EXOC3: variants seen among roughly 807,000 people sequenced by gnomAD.
EXOC3 encodes the protein SEC6-like 1.
EXOC3 carries 21 observed loss-of-function variants against 73.7 expected under a neutral mutation model. The observed-to-expected ratio is 0.29, with a 90% CI of 0.20 to 0.41. The LOEUF is 0.41. Ranked by LOEUF, EXOC3 falls within the 10% of genes least tolerant of loss-of-function variation. EXOC3 has a pLI of 1.00. For synonymous variants in EXOC3, 410 were observed against 389.1 expected (o/e 1.05, Z -0.63); for missense variants, 842 against 985.1 (o/e 0.85, Z 1.95).
At chr5:457,817 A>G (rs1436039162) in intron 5 of EXOC3, 83 bp from the exon 6 acceptor site, 2 of 1,434,894 alleles carry the variant, frequency 1.4e-6, no homozygotes, top group Non-Finnish European at 1.9e-6. Context: ...GAGCTTGTGC[A>G]TGCAACTGAC....
In EXOC3 at chr5:467,056, C is replaced by A; in HGVS notation, c.*158C>A. The A allele has an allele frequency of 1.4e-6, 1 of 736,026 alleles. No individual in the cohort carries two copies. The highest frequency in any genetic ancestry group is 2.2e-6 in the Non-Finnish European group (1 of 458,404). The allele number at this position is 736,026 out of a possible 1,614,324, so 45.6% of individuals were successfully genotyped here. A position where few individuals can be genotyped will look rare whatever the true frequency, so the allele number is the denominator to read the frequency against. ...ATGCACCGGGTGTGCGTCGAGTGAG[C>A]GTCCCGAGGCCACGTGCGGAGGCCC... On this transcript the variant is annotated 3_prime_UTR_variant, in exon 13 of 13. Coordinates refer to ENST00000512944, the MANE Select transcript of EXOC3 (RefSeq NM_007277.5).
chr5:451,809 G>A (rs1453616069), intron 3 of EXOC3, among the ~76,000 whole-genome samples: 1 of 152,194 alleles, frequency 6.6e-6, no homozygotes, highest in African/African-American at 2.4e-5. Context: ...ACTTTTGAAT[G>A]ACCATTTTGC....
Position 461,845 on chromosome 5 carries a change from A to C in EXOC3, c.1392-115A>C. The C allele has an allele frequency of 2.2e-5, 15 of 679,782 alleles. No homozygotes were observed. The Middle Eastern group carries it at 1.2e-3, about 56-fold the overall frequency. The allele number at this position is 679,782 out of a possible 1,614,324, so 42.1% of individuals were successfully genotyped here. ...AAGATTGTTTTATTTTTAGAGGCTC[A>C]TCCGGTCAGATGTTAGTGATGTGAA... On this transcript the variant is annotated intron_variant, in intron 7 of 12. Transcript: ENST00000512944.
At chr5:457,059 A>C in intron 5 of EXOC3, 53 bp downstream of exon 5, 1 of 1,306,172 alleles carries the variant, frequency 7.7e-7, no homozygotes, top group Non-Finnish European at 1.1e-6. Context: ...TATATGAGTA[A>C]CTAGGGCTTG....
intron 1 of EXOC3, chr5:444,793 CG>C (rs1737456812): frequency 1.1e-5 from 1 of 87,866 alleles, no homozygotes; most frequent in African/African-American, 2.8e-5. Flanking sequence ...GTGGGATTTA[CG>C]GGAAGTTGTC....
intron 10 of EXOC3, chr5:464,835 C>G: frequency 1.9e-6 from 1 of 529,312 alleles, no homozygotes; most frequent in South Asian, 2.3e-5. Context: ...ACGGGCCTGT[C>G]TGTGGACCGA....
intron 3 of EXOC3, among the ~76,000 whole-genome samples, chr5:449,405 T>C (rs1737594355): frequency 6.6e-6 from 1 of 152,194 alleles, no homozygotes; most frequent in Non-Finnish European, 1.5e-5. Context: ...TCAGAACTCT[T>C]TTCATCTTGC....
rs1449185728 is a variant in EXOC3, at chr5:453,858, T to A, written c.853T>A (p.Tyr285Asn). 6.2e-7 allele frequency: 1 copy of A among 1,613,918 alleles called. No homozygotes were observed. ...CCGCCACCTGGAAATTATAAGGAAGTACGTCCTGGATGACCTCATTGTCGC... is the reference window on the plus strand; with the variant it reads ...CCGCCACCTGGAAATTATAAGGAAGAACGTCCTGGATGACCTCATTGTCGC... ...LVRHLEIIRK[Y>N]VLDDLIVAKN... The change falls in exon 4 of 13, where the codon TAC becomes AAC. Residue 285 changes from tyrosine to asparagine, a missense_variant. Physicochemically the swap from Tyr to Asn is moderately radical, Grantham distance 143. Transcript: ENST00000512944.
At chr5:461,457 AC>A (rs1737981246) in intron 7 of EXOC3, among the ~76,000 whole-genome samples, 1 of 152,210 alleles carries the variant, frequency 6.6e-6, no homozygotes, top group African/African-American at 2.4e-5. Context: ...TACTAAAAAT[AC>A]AAAAATTAGC....
intron 12 of EXOC3, chr5:466,146 C>T (rs189367984): frequency 1.5e-4 from 61 of 400,940 alleles, no homozygotes; most frequent in Non-Finnish European, 2.7e-4. Flanking sequence ...AAGATTTGGG[C>T]TGTGGAGTGG....
At chr5:458,854 T>C (rs901633942) in intron 6 of EXOC3, among the ~76,000 whole-genome samples, 1 of 152,198 alleles carries the variant, frequency 6.6e-6, no homozygotes, top group Non-Finnish European at 1.5e-5. Context: ...GACAGGCTAG[T>C]CCAAACCCTT....
At chr5:458,057 T>C in intron 6 of EXOC3, 32 bp downstream of exon 6, 1 of 1,604,694 alleles carries the variant, frequency 6.2e-7, no homozygotes. Context: ...CACAGTTCCG[T>C]TTCCTAGGTG....
chr5:465,206 G>A lies in EXOC3; in HGVS notation c.1872G>A (p.Lys624=), dbSNP rs747567001. Residue 624 remains lysine (K), a synonymous_variant, in exon 11 of 13, where the codon AAG becomes AAA. Coordinates refer to ENST00000512944, the MANE Select transcript of EXOC3 (RefSeq NM_007277.5). ...RISFRSPEER[K]EGAEKMVREA... ...CCTTCCGGAGCCCGGAGGAGCGCAA[G>A]GAGGGTGCCGAGAAGATGGTTAGGG... is the stretch of plus-strand genomic sequence containing the variant. 2 of 1,594,040 alleles carry A rather than the reference G, an allele frequency of 1.3e-6. No homozygotes were observed. Among genetic ancestry groups the A allele is most frequent in the South Asian group, 1.1e-5 (1 of 87,702 alleles).
intron 5 of EXOC3, chr5:457,317 C>T: frequency 2.7e-6 from 1 of 367,634 alleles, no homozygotes; most frequent in Middle Eastern, 7.8e-4. Flanking sequence ...GCTCTCGGCT[C>T]TGAGTCCCAT....
At position 460,520 on chromosome 5, in the gene EXOC3, A is replaced by G. The variant is rs569985287; in HGVS notation, c.1391+1061A>G. On this transcript the variant is annotated intron_variant, in intron 7 of 12. Coordinates refer to ENST00000512944, the MANE Select transcript of EXOC3 (RefSeq NM_007277.5). The stretch of plus-strand genomic sequence containing the variant: ...CCATCCATCGATAGGGGTAATGCCC[A>G]AGTCCCCACTGGCCGCCCATCCACA... Among the ~76,000 whole-genome samples the G allele has an allele frequency of 1.1e-4, 17 of 152,284 alleles. No homozygotes were observed. In the South Asian group the frequency reaches 3.5e-3, roughly 32 times the overall value.
At chr5:448,831 A>G (rs1288351637) in intron 3 of EXOC3, among the ~76,000 whole-genome samples, 2 of 152,196 alleles carry the variant, frequency 1.3e-5, no homozygotes, top group African/African-American at 2.4e-5. Flanking sequence ...CTTCCAGGGC[A>G]TGATCCGTAG....
At chr5:455,307 G>A (rs989638708) in intron 4 of EXOC3, among the ~76,000 whole-genome samples, 3 of 152,346 alleles carry the variant, frequency 2.0e-5, no homozygotes, top group Admixed American at 2.0e-4. Flanking sequence ...CACAGTTTGT[G>A]TCTTGATTTT....
chr5:458,549 G>A (rs1306740035), intron 6 of EXOC3, among the ~76,000 whole-genome samples: 1 of 152,198 alleles, frequency 6.6e-6, no homozygotes, highest in East Asian at 1.9e-4. Flanking sequence ...ATTGGTTAAG[G>A]TTCTAAGTAT....
chr5:458,106 A>G, intron 6 of EXOC3, 81 bp downstream of exon 6: 4 of 1,425,978 alleles, frequency 2.8e-6, no homozygotes, highest in Non-Finnish European at 3.8e-6. Context: ...TGACACAGAT[A>G]CCTGGGATCT....
Sources: allele counts gnomAD v4.1 joint callset (sites outside exome capture counted in the v4.1 genomes callset), GRCh38; gene constraint gnomAD v4.1.1; transcripts MANE v1.5; gene names NCBI Gene and HGNC (gene_info 2026-07-23, HGNC 2026-07-21).